Variants in MYH15 observed in about 807,000 individuals in gnomAD.
MYH15 encodes myosin heavy chain 15.
A neutral mutation model predicts 240.5 loss-of-function variants in MYH15; 227 were observed. The ratio of observed to expected loss-of-function variants is 0.94; its 90% confidence interval spans 0.85 to 1.05. The LOEUF (loss-of-function observed/expected upper bound fraction) is 1.05. MYH15 is among the 50% of genes least tolerant of loss of function. The pLI is 0.00. For synonymous variants in MYH15, 785 were observed against 796.7 expected (o/e 0.99, Z 0.25); for missense variants, 2,217 against 2,247.5 (o/e 0.99, Z 0.27).
intron 1 of MYH15, among the ~76,000 whole-genome samples, chr3:108,517,690 A>G (rs776461825): frequency 1.3e-5 from 2 of 151,436 alleles, no homozygotes; most frequent in Non-Finnish European, 2.9e-5. Context: ...CTGGTCTTGA[A>G]CTCCTGACCT....
the MYH15 span, among the ~76,000 whole-genome samples, chr3:108,536,659 A>G: frequency 6.6e-6 from 1 of 152,264 alleles, no homozygotes; most frequent in African/African-American, 2.4e-5. Context: ...GTAAGTATAC[A>G]AGCAGCATCT....
Position 108,464,895 on chromosome 3 carries a change from A to G in MYH15, c.1555-81T>C. On this transcript the variant is annotated intron_variant, in intron 14 of 40. Transcript: ENST00000693548. ...AGGGGGTCAGTATAAATTCTTTCCC[A>G]GGAACCTAATCAGTTGACAAAGGGA... is the stretch of plus-strand genomic sequence containing the variant. 3.1e-6 allele frequency: 4 copies of G among 1,280,184 alleles called. No individual in the cohort carries two copies. In the South Asian group the frequency reaches 6.2e-5, roughly 20 times the overall value. 79.3% of individuals were successfully genotyped at this position (1,280,184 alleles called of 1,614,324 possible).
chr3:108,525,057 A>C (rs2083656012), intron 1 of MYH15, among the ~76,000 whole-genome samples: 1 of 152,058 alleles, frequency 6.6e-6, no homozygotes, highest in African/African-American at 2.4e-5. Flanking sequence ...GTTGCAAAGG[A>C]TGCTTATGTT....
chr3:108,464,932 T>C (rs1343560042), intron 14 of MYH15, 118 bp from the exon 15 acceptor site: 2 of 825,144 alleles, frequency 2.4e-6, no homozygotes, highest in African/African-American at 3.5e-5. Flanking sequence ...GAATATTCAC[T>C]GCATAAAACT....
chr3:108,505,862 A>G (rs776147350), intron 1 of MYH15, 33 bp from the exon 2 acceptor site: 8 of 1,367,714 alleles, frequency 5.8e-6, no homozygotes, highest in Non-Finnish European at 8.3e-6. Context: ...AATGGATTAT[A>G]GCTATAGTAC....
intron 5 of MYH15, among the ~76,000 whole-genome samples, chr3:108,498,926 T>C (rs906516557): frequency 6.6e-6 from 1 of 152,236 alleles, no homozygotes; most frequent in African/African-American, 2.4e-5. Context: ...CCAGGGCTCT[T>C]TTCATCAAAA....
the MYH15 span, among the ~76,000 whole-genome samples, chr3:108,549,424 G>T: frequency 4.6e-5 from 7 of 152,010 alleles, no homozygotes; most frequent in Admixed American, 3.9e-4. Context: ...CTTCAAAGCT[G>T]CAGTACGGAC....
In MYH15 at chr3:108,439,904, A is replaced by C. The variant is rs775255953; in HGVS notation, c.2908T>G (p.Leu970Val). The change falls in exon 24 of 41, where the codon TTG becomes GTG. Residue 970 changes from leucine to valine, a missense_variant. Leu to Val is a conservative substitution (Grantham distance 32). Transcript: ENST00000693548. ...KRTTEHKVKN[L>V]TEEVEFLNED... is the part of the protein sequence containing the mutation. Reference sequence around the variant, plus strand: ...TTTAGAAACTCTACTTCCTCAGTCAAGTTCTTGACCTGTGGGAAGAAGATG... The same window carrying C: ...TTTAGAAACTCTACTTCCTCAGTCACGTTCTTGACCTGTGGGAAGAAGATG... The C allele has an allele frequency of 6.3e-7, 1 of 1,597,346 alleles. No homozygotes were observed. Among genetic ancestry groups the C allele is most frequent in the East Asian group, 2.3e-5 (1 of 44,404 alleles).
At chr3:108,520,816 A>G (rs932483799) in intron 1 of MYH15, among the ~76,000 whole-genome samples, 1 of 152,136 alleles carries the variant, frequency 6.6e-6, no homozygotes, top group Non-Finnish European at 1.5e-5. Context: ...TTAATCATAG[A>G]TATCTACTAT....
chr3:108,388,583 A>C (rs2107534170), intron 38 of MYH15, among the ~76,000 whole-genome samples: 1 of 152,170 alleles, frequency 6.6e-6, no homozygotes, highest in South Asian at 2.1e-4. Context: ...TCAGCATCCC[A>C]TGTAACCTGC....
chr3:108,463,379 G>A, intron 15 of MYH15, 136 bp from the exon 16 acceptor site: 2 of 946,836 alleles, frequency 2.1e-6, no homozygotes. Flanking sequence ...CAGTGGCATA[G>A]TCACAGTTCA....
intron 9 of MYH15, 125 bp from the exon 10 acceptor site, chr3:108,486,651 T>C: frequency 1.8e-6 from 1 of 559,706 alleles, no homozygotes; most frequent in East Asian, 3.1e-5. Context: ...CAAAATAAAA[T>C]CCATATTTTA....
At chr3:108,550,581 T>C in the MYH15 span, 2 of 151,568 alleles carry the variant, frequency 1.3e-5, no homozygotes, top group East Asian at 1.9e-4. Context: ...TTTATTACCA[T>C]TGCATTTTTT....
chr3:108,408,719 T>A (rs2082565079), intron 31 of MYH15, among the ~76,000 whole-genome samples: 1 of 152,244 alleles, frequency 6.6e-6, no homozygotes, highest in African/African-American at 2.4e-5. Flanking sequence ...AGGTTCCACC[T>A]GGAGGAACAC....
chr3:108,541,197 C>A, the MYH15 span, among the ~76,000 whole-genome samples: 1 of 151,462 alleles, frequency 6.6e-6, no homozygotes, highest in East Asian at 1.9e-4. Flanking sequence ...CAAGATGAGT[C>A]TAAAATAAAT....
chr3:108,428,334 G>C (rs140249273), intron 27 of MYH15, among the ~76,000 whole-genome samples, 158 bp downstream of exon 27: 340 of 152,292 alleles, frequency 2.2e-3, no homozygotes, highest in Admixed American at 4.4e-3. Context: ...TGACCACTAA[G>C]GTCAGGCCTG....
chr3:108,510,261 A>G (rs143346356), intron 1 of MYH15, among the ~76,000 whole-genome samples, 182 bp downstream of exon 1: 1 of 152,212 alleles, frequency 6.6e-6, no homozygotes, highest in Non-Finnish European at 1.5e-5. Flanking sequence ...TTCTGTGGGT[A>G]CTTCCATTCC....
intron 38 of MYH15, among the ~76,000 whole-genome samples, chr3:108,385,317 T>C (rs2082374410): frequency 6.6e-6 from 1 of 152,216 alleles, no homozygotes; most frequent in African/African-American, 2.4e-5. Context: ...TCTAATTGAC[T>C]CTTGGTTTTG....
chr3:108,464,840 G>C (rs1366417547), intron 14 of MYH15, 26 bp from the exon 15 acceptor site: 8 of 1,550,542 alleles, frequency 5.2e-6, no homozygotes, highest in Admixed American at 2.1e-5. Flanking sequence ...AAGAGCAGCA[G>C]ATTTCTTTAA....
Sources: allele counts gnomAD v4.1 joint callset (sites outside exome capture counted in the v4.1 genomes callset), GRCh38; gene constraint gnomAD v4.1.1; transcripts MANE v1.5; gene names NCBI Gene and HGNC (gene_info 2026-07-23, HGNC 2026-07-21).